CACNB2: variants seen among roughly 807,000 people sequenced by gnomAD.
CACNB2 encodes calcium voltage-gated channel auxiliary subunit beta 2, also known as voltage-dependent L-type calcium channel subunit beta-2.
Under a neutral mutation model 73.3 loss-of-function variants are expected in CACNB2, and 42 were observed. The ratio of observed to expected loss-of-function variants is 0.57; its 90% confidence interval spans 0.45 to 0.74. CACNB2 has a LOEUF of 0.74. CACNB2 is among the 30% of genes least tolerant of loss of function. The probability of loss-of-function intolerance (pLI) is 0.00; values close to 1 mark genes in which losing one functional copy is unlikely to be tolerated. For missense variants in CACNB2, 940 were observed against 853.0 expected, an observed-to-expected ratio of 1.10 and a Z score of -1.27; for synonymous variants, 348 against 310.3, an observed-to-expected ratio of 1.12 and a Z score of -1.28.
At chr10:18,486,060 C>G (rs11014455) in intron 3 of CACNB2, among the ~76,000 whole-genome samples, 1 of 151,890 alleles carries the variant, frequency 6.6e-6, no homozygotes, top group Non-Finnish European at 1.5e-5. Context: ...AAATTGAAAA[C>G]CATACTTTGC....
intron 3 of CACNB2, among the ~76,000 whole-genome samples, chr10:18,474,051 T>C (rs1264483966): frequency 2.0e-5 from 3 of 152,236 alleles, no homozygotes; most frequent in Non-Finnish European, 4.4e-5. Context: ...ATAGTTAAGA[T>C]GATGGAACAT....
At chr10:18,500,695 A>G in intron 4 of CACNB2, 117 bp from the exon 5 acceptor site, 1 of 1,031,018 alleles carries the variant, frequency 9.7e-7, no homozygotes, top group South Asian at 1.3e-5. Flanking sequence ...TTGAATGATA[A>G]TATTTAAGGC....
chr10:18,241,589 A>C (rs2036653321), intron 2 of CACNB2, among the ~76,000 whole-genome samples: 1 of 152,172 alleles, frequency 6.6e-6, no homozygotes, highest in South Asian at 2.1e-4. Flanking sequence ...ATATTAAAAA[A>C]AAAAGATACA....
At chr10:18,203,826 TA>T (rs566827247) in intron 2 of CACNB2, among the ~76,000 whole-genome samples, 285 of 152,356 alleles carry the variant, frequency 1.9e-3, no homozygotes, top group Middle Eastern at 0.01. Context: ...GTTCTTATAA[TA>T]GCATTTTATA....
At chr10:18,515,800 T>G (rs1462251916) in intron 7 of CACNB2, among the ~76,000 whole-genome samples, 3 of 152,204 alleles carry the variant, frequency 2.0e-5, no homozygotes, top group Non-Finnish European at 4.4e-5. Context: ...GCTAAGACAT[T>G]TGGGCCTTGA....
At position 18,534,132 on chromosome 10, in the gene CACNB2, G is replaced by C; in HGVS notation, c.1111G>C (p.Val371Leu). The change falls in exon 11 of 14, where the codon GTG becomes CTG. Residue 371 changes from valine (V) to leucine (L), a missense_variant. Physicochemically the swap from Val to Leu is conservative, Grantham distance 32 (BLOSUM62 1). Transcript: ENST00000324631. ...IFELARTLQL[V>L]VLDADTINHP... ...TGAACTTGCAAGAACATTGCAGTTG[G>C]TGGTCCTTGACGCGGATACAATTAA... 6.2e-7 allele frequency: 1 copy of C among 1,613,962 alleles called. No individual in the cohort carries two copies. Among genetic ancestry groups the C allele is most frequent in the Non-Finnish European group, 8.5e-7 (1 of 1,179,864 alleles).
intron 2 of CACNB2, among the ~76,000 whole-genome samples, chr10:18,173,230 T>C (rs987855519): frequency 6.6e-6 from 1 of 152,182 alleles, no homozygotes; most frequent in Admixed American, 6.5e-5. Context: ...ATAAGGCCTA[T>C]CTTATAAAGC....
intron 2 of CACNB2, among the ~76,000 whole-genome samples, chr10:18,259,314 C>T (rs993166347): frequency 2.6e-5 from 4 of 151,962 alleles, no homozygotes; most frequent in African/African-American, 9.7e-5. Context: ...ACTTGTAATC[C>T]TAGCACTTTG....
intron 2 of CACNB2, among the ~76,000 whole-genome samples, chr10:18,323,296 C>T (rs962462450): frequency 1.3e-5 from 2 of 152,002 alleles, no homozygotes; most frequent in Non-Finnish European, 2.9e-5. Context: ...CATATCTTTA[C>T]ACATCCCTAA....
intron 3 of CACNB2, among the ~76,000 whole-genome samples, chr10:18,464,531 T>C: frequency 6.6e-6 from 1 of 151,934 alleles, no homozygotes; most frequent in Admixed American, 6.6e-5. Context: ...GACCTCAAAC[T>C]TACCCAAATC....
intron 2 of CACNB2, among the ~76,000 whole-genome samples, chr10:18,317,622 T>C (rs1015845442): frequency 5.9e-5 from 9 of 152,208 alleles, no homozygotes; most frequent in African/African-American, 1.7e-4. Context: ...ACATTTTCTT[T>C]ATCCAGTGCA....
chr10:18,253,789 T>C (rs939999992), intron 2 of CACNB2, among the ~76,000 whole-genome samples: 1 of 152,190 alleles, frequency 6.6e-6, no homozygotes, highest in Non-Finnish European at 1.5e-5. Context: ...GTAATAATGT[T>C]CTATCATTGC....
At chr10:18,488,845 C>G (rs1172447228) in intron 3 of CACNB2, among the ~76,000 whole-genome samples, 1 of 151,508 alleles carries the variant, frequency 6.6e-6, no homozygotes, top group Non-Finnish European at 1.5e-5. Flanking sequence ...GATTTTAGCA[C>G]CAGCTCTAAC....
chr10:18,257,075 GCCAATATGGCAGCTCC>G (rs1477227956), intron 2 of CACNB2: 2 of 152,192 alleles, frequency 1.3e-5, no homozygotes, highest in Non-Finnish European at 2.9e-5. Flanking sequence ...ACACTATTGG[GCCAATATGGCAGCTCC>G]CCTGTCCTAG....
In CACNB2 at chr10:18,165,246, G is replaced by A. The variant is rs566017271; in HGVS notation, c.213+14271G>A. ...GAAATTGGGAAGGAATGCGTCATCC[G>A]AGAGCTCATCCTGTGGAAGGGCAGA... is the stretch of plus-strand genomic sequence containing the variant. On this transcript the variant is annotated intron_variant, in intron 2 of 13. Coordinates refer to ENST00000324631, the MANE Select transcript of CACNB2 (RefSeq NM_201596.3). Among the ~76,000 whole-genome samples the A allele has an allele frequency of 3.3e-5, 5 of 152,170 alleles. No homozygotes were observed. In the East Asian group the frequency reaches 9.6e-4, roughly 29 times the overall value.
rs1480557317 is a variant in CACNB2, at chr10:18,443,000, G to GTATATATATATATGTATATATATA, written c.333+40970_333+40993dup. ...TATATATATATGTATATATATATGT[G>GTATATATATATATGTATATATATA]TATATATATATATGTATATATATAT... On this transcript the variant is annotated intron_variant, in intron 3 of 13. Coordinates refer to ENST00000324631, the MANE Select transcript of CACNB2 (RefSeq NM_201596.3). Among the ~76,000 whole-genome samples, 9 of 3,790 alleles carry GTATATATATATATGTATATATATA rather than the reference G, an allele frequency of 2.4e-3. 1 individual carries two copies. Among genetic ancestry groups the GTATATATATATATGTATATATATA allele is most frequent in the Non-Finnish European group, 3.9e-3 (9 of 2,296 alleles). The allele number at this position is 3,790 out of a possible 152,430, so 2.5% of individuals were successfully genotyped here. A position where few individuals can be genotyped will look rare whatever the true frequency, so the allele number is the denominator to read the frequency against.
At chr10:18,182,344 A>G (rs1318488305) in intron 2 of CACNB2, among the ~76,000 whole-genome samples, 2 of 151,724 alleles carry the variant, frequency 1.3e-5, no homozygotes, top group African/African-American at 4.8e-5. Context: ...TTTTTTTTTG[A>G]AATAAGGTAG....
chr10:18,519,382 T>C (rs1299852199), intron 9 of CACNB2, among the ~76,000 whole-genome samples: 1 of 152,216 alleles, frequency 6.6e-6, no homozygotes, highest in Non-Finnish European at 1.5e-5. Flanking sequence ...CCCAGTGAAC[T>C]TGCTTCCGTG....
intron 6 of CACNB2, among the ~76,000 whole-genome samples, chr10:18,507,217 T>G (rs1263629261): frequency 6.6e-6 from 1 of 152,080 alleles, no homozygotes; most frequent in Non-Finnish European, 1.5e-5. Flanking sequence ...AACAGAAGGA[T>G]AAAAACTTTA....
Sources: gnomAD v4.1 joint callset for allele counts (sites outside exome capture counted in the v4.1 genomes callset) on GRCh38, gnomAD v4.1.1 for gene constraint, MANE v1.5 for transcripts, NCBI Gene and HGNC (gene_info 2026-07-23, HGNC 2026-07-21) for gene names.